ATOSB: variants seen among roughly 807,000 people sequenced by gnomAD.
The protein encoded by ATOSB is atos homolog protein B.
chr9:35,106,556 G>A, the ATOSB span: 1 of 1,576,292 alleles, frequency 6.3e-7, no homozygotes, highest in Non-Finnish European at 8.6e-7. The surrounding 1 kb of genome is among the most constrained non-coding windows in gnomAD (Gnocchi z 4.6). Flanking sequence ...TGCCCAGCAG[G>A]GTACGGCTGA....
chr9:35,113,182 C>T, the ATOSB span, among the ~76,000 whole-genome samples: 2 of 152,198 alleles, frequency 1.3e-5, no homozygotes, highest in African/African-American at 4.8e-5. Flanking sequence ...AAAAAATAAT[C>T]CCTTAGCAAC....
the ATOSB span, among the ~76,000 whole-genome samples, chr9:35,112,053 C>A: frequency 6.6e-6 from 1 of 152,204 alleles, no homozygotes; most frequent in Non-Finnish European, 1.5e-5. Flanking sequence ...TCCCCACCTT[C>A]CAAACCAAAG....
At chr9:35,104,492 G>A in the ATOSB span, 1 of 192,148 alleles carries the variant, frequency 5.2e-6, no homozygotes, top group African/African-American at 2.4e-5. Flanking sequence ...GGGACAACTG[G>A]AGTCTGGAGC....
At chr9:35,106,950 A>C in the ATOSB span, 7 of 1,461,452 alleles carry the variant, frequency 4.8e-6, no homozygotes, top group Non-Finnish European at 6.6e-6. The surrounding 1 kb of genome is among the most constrained non-coding windows in gnomAD (Gnocchi z 4.6). Context: ...GTTTTGGGGC[A>C]GAAGCTCATC....
At chr9:35,107,037 A>C in the ATOSB span, 1 of 757,464 alleles carries the variant, frequency 1.3e-6, no homozygotes, top group East Asian at 2.7e-5. Context: ...GAGTACATGA[A>C]GGACAGGCGC....
the ATOSB span, among the ~76,000 whole-genome samples, chr9:35,112,030 TC>T: frequency 3.9e-5 from 6 of 151,916 alleles, no homozygotes; most frequent in Non-Finnish European, 5.9e-5. Context: ...AATACCTCAC[TC>T]CCATTTGTCT....
the ATOSB span, chr9:35,111,628 G>A: frequency 7.7e-6 from 1 of 129,506 alleles, no homozygotes; most frequent in Admixed American, 7.8e-5. Flanking sequence ...CACCCGCGCC[G>A]CGGCGGCCAC....
chr9:35,106,077 C>G, the ATOSB span: 2 of 1,546,724 alleles, frequency 1.3e-6, no homozygotes, highest in South Asian at 1.2e-5. This position sits in a 1 kb window ranked among gnomAD's most constrained non-coding sequence, Gnocchi z 4.6. Flanking sequence ...ACACATGTCC[C>G]TCTCCACAAG....
the ATOSB span, chr9:35,105,361 G>A: frequency 1.3e-5 from 21 of 1,611,786 alleles, no homozygotes; most frequent in Non-Finnish European, 1.7e-5. The surrounding 1 kb of genome is among the most constrained non-coding windows in gnomAD (Gnocchi z 5.5). Flanking sequence ...CGGCCTGAGC[G>A]GGAGCTCCGG....
At chr9:35,105,865 C>A in the ATOSB span, 2 of 1,614,066 alleles carry the variant, frequency 1.2e-6, no homozygotes, top group Non-Finnish European at 1.7e-6. This position sits in a 1 kb window ranked among gnomAD's most constrained non-coding sequence, Gnocchi z 5.5. Context: ...GGTCTAGGGA[C>A]AGGACAGTCA....
At chr9:35,106,069 A>C in the ATOSB span, 1 of 1,559,386 alleles carries the variant, frequency 6.4e-7, no homozygotes, top group Non-Finnish European at 8.7e-7. The surrounding 1 kb of genome is among the most constrained non-coding windows in gnomAD (Gnocchi z 4.6). Context: ...GGCCCTAAAC[A>C]CATGTCCCTC....
chr9:35,111,020 C>T, the ATOSB span: 1 of 152,466 alleles, frequency 6.6e-6, no homozygotes, highest in Non-Finnish European at 1.5e-5. Flanking sequence ...GACTTCTTCT[C>T]TCTTACCAAC....
chr9:35,107,272 G>A, the ATOSB span: 2 of 1,317,998 alleles, frequency 1.5e-6, no homozygotes, highest in Non-Finnish European at 2.0e-6. Flanking sequence ...GCAGTCAGCT[G>A]AGATTGTGCC....
chr9:35,106,602 C>G, the ATOSB span: 23 of 1,563,388 alleles, frequency 1.5e-5, no homozygotes, highest in African/African-American at 2.6e-4. The surrounding 1 kb of genome is among the most constrained non-coding windows in gnomAD (Gnocchi z 4.6). Flanking sequence ...ACTGGGGGGG[C>G]TCAGCAGGCC....
chr9:35,108,077 C>T, the ATOSB span: 1 of 1,536,688 alleles, frequency 6.5e-7, no homozygotes, highest in Non-Finnish European at 8.7e-7. Context: ...CTTGTCGTTT[C>T]AGGGCCCTAT....
At chr9:35,114,201 C>T in the ATOSB span, among the ~76,000 whole-genome samples, 1 of 152,216 alleles carries the variant, frequency 6.6e-6, no homozygotes, top group Non-Finnish European at 1.5e-5. Context: ...TCATGCCCCA[C>T]CCACTCACAC....
the ATOSB span, chr9:35,107,551 G>A: frequency 1.9e-6 from 3 of 1,596,260 alleles, no homozygotes; most frequent in Non-Finnish European, 2.6e-6. Flanking sequence ...AGCAGCCTTC[G>A]CTTGGTGGGG....
At chr9:35,106,704 C>T in the ATOSB span, 7 of 1,460,012 alleles carry the variant, frequency 4.8e-6, no homozygotes, top group East Asian at 1.7e-4. This position sits in a 1 kb window ranked among gnomAD's most constrained non-coding sequence, Gnocchi z 4.6. Context: ...CCTGCTTATG[C>T]CCTTGGACTC....
the ATOSB span, chr9:35,105,460 GGT>G: frequency 2.0e-6 from 3 of 1,488,508 alleles, no homozygotes; most frequent in Non-Finnish European, 2.7e-6. This position sits in a 1 kb window ranked among gnomAD's most constrained non-coding sequence, Gnocchi z 5.5. Context: ...GGGAGACCCA[GGT>G]GGGAGGACTG....
Sources: gnomAD v4.1 joint callset for allele counts (sites outside exome capture counted in the v4.1 genomes callset) on GRCh38, gnomAD v4.1.1 for gene constraint, Gnocchi (gnomAD v3.1) non-coding constraint, MANE v1.5 for transcripts, NCBI Gene and HGNC (gene_info 2026-07-23, HGNC 2026-07-21) for gene names.